Variants in FNBP1L observed in about 807,000 individuals in gnomAD.
FNBP1L encodes formin-binding protein 1-like.
A neutral mutation model predicts 91.2 loss-of-function variants in FNBP1L; 36 were observed. That is an observed-to-expected ratio of 0.39 (90% CI 0.30 to 0.52). The LOEUF (loss-of-function observed/expected upper bound fraction) is 0.52, where lower values mean the gene tolerates loss of function less well. FNBP1L is among the 20% of genes least tolerant of loss of function. The probability of loss-of-function intolerance (pLI) is 0.66; values close to 1 mark genes in which losing one functional copy is unlikely to be tolerated. For synonymous variants in FNBP1L, 242 were observed against 237.0 expected (o/e 1.02, Z -0.19); for missense variants, 571 against 732.1 (o/e 0.78, Z 2.54).
intron 14 of FNBP1L, among the ~76,000 whole-genome samples, 193 bp downstream of exon 14, chr1:93,547,634 A>G (rs1672284715): frequency 6.6e-6 from 1 of 152,080 alleles, no homozygotes; most frequent in African/African-American, 2.4e-5. Context: ...TTGCTATTCA[A>G]TCCTAGTTTG....
At chr1:93,515,014 A>T (rs557275917) in intron 2 of FNBP1L, among the ~76,000 whole-genome samples, 1 of 152,196 alleles carries the variant, frequency 6.6e-6, no homozygotes, top group Non-Finnish European at 1.5e-5. Context: ...TTCGCAACCT[A>T]CTCATCTGAC....
intron 2 of FNBP1L, among the ~76,000 whole-genome samples, chr1:93,509,398 C>G (rs112175034): frequency 6.6e-6 from 1 of 152,288 alleles, no homozygotes; most frequent in Non-Finnish European, 1.5e-5. Context: ...CTCATAGCCC[C>G]ATGCAGAATT....
chr1:93,456,324 G>A (rs1028121362), intron 1 of FNBP1L, among the ~76,000 whole-genome samples: 1 of 152,120 alleles, frequency 6.6e-6, no homozygotes, highest in Non-Finnish European at 1.5e-5. Flanking sequence ...ATGAAAGACG[G>A]GAAATACTAG....
intron 2 of FNBP1L, among the ~76,000 whole-genome samples, chr1:93,515,685 T>C (rs1671073428): frequency 6.9e-6 from 1 of 145,224 alleles, no homozygotes; most frequent in Admixed American, 7.4e-5. Context: ...AAACACCGCA[T>C]ATTCTCCCTC....
chr1:93,549,476 G>A (rs551153838), intron 15 of FNBP1L, 50 bp downstream of exon 15: 1 of 1,387,624 alleles, frequency 7.2e-7, no homozygotes, highest in Non-Finnish European at 9.6e-7. Flanking sequence ...TTCTTTAAAA[G>A]TATTTACATC....
At chr1:93,511,861 G>A (rs1297366925) in intron 2 of FNBP1L, among the ~76,000 whole-genome samples, 1 of 150,518 alleles carries the variant, frequency 6.6e-6, no homozygotes, top group Non-Finnish European at 1.5e-5. Context: ...AGCTACTTGG[G>A]AGGCTGAGGC....
chr1:93,463,171 G>A (rs887908125), intron 1 of FNBP1L, among the ~76,000 whole-genome samples: 3 of 152,002 alleles, frequency 2.0e-5, no homozygotes, highest in Non-Finnish European at 2.9e-5. Flanking sequence ...CTTTTAAAGC[G>A]CTTCCTTACT....
intron 7 of FNBP1L, among the ~76,000 whole-genome samples, chr1:93,532,455 G>A (rs1197929426): frequency 1.5e-5 from 2 of 134,126 alleles, no homozygotes; most frequent in East Asian, 4.7e-4. Flanking sequence ...TGGCGACAGA[G>A]CGAGACTCCG....
chr1:93,494,000 A>G (rs775663986), intron 1 of FNBP1L, among the ~76,000 whole-genome samples: 16 of 152,302 alleles, frequency 1.1e-4, no homozygotes, highest in African/African-American at 3.1e-4. Flanking sequence ...TTTTGTCACT[A>G]TCTGTCTGGA....
chr1:93,512,291 A>G (rs1034623378), intron 2 of FNBP1L, among the ~76,000 whole-genome samples: 4 of 152,012 alleles, frequency 2.6e-5, no homozygotes, highest in Non-Finnish European at 4.4e-5. Context: ...AGTGACCTAC[A>G]AAGAGACTTA....
chr1:93,549,207 T>A, intron 14 of FNBP1L, 71 bp from the exon 15 acceptor site: 1 of 1,283,132 alleles, frequency 7.8e-7, no homozygotes, highest in East Asian at 2.5e-5. Flanking sequence ...CCTGAGGTGA[T>A]CAATTTATAA....
At chr1:93,459,519 G>A (rs370696641) in intron 1 of FNBP1L, among the ~76,000 whole-genome samples, 22 of 152,174 alleles carry the variant, frequency 1.4e-4, no homozygotes, top group Middle Eastern at 3.4e-3. Flanking sequence ...TTAAAGCCCC[G>A]ATGAGATACC....
chr1:93,483,895 ATCATTGATTTAGCTG>A (rs1217750085), intron 1 of FNBP1L, among the ~76,000 whole-genome samples: 1 of 152,232 alleles, frequency 6.6e-6, no homozygotes, highest in African/African-American at 2.4e-5. Context: ...AGACATCTGC[ATCATTGATTTAGCTG>A]TTTCTTAACT....
intron 1 of FNBP1L, among the ~76,000 whole-genome samples, chr1:93,454,508 G>C (rs1284248104): frequency 6.6e-6 from 1 of 152,126 alleles, no homozygotes; most frequent in Non-Finnish European, 1.5e-5. Context: ...GAAGATGAAA[G>C]TGTATTTATT....
At chr1:93,485,451 T>A (rs1669866403) in intron 1 of FNBP1L, among the ~76,000 whole-genome samples, 1 of 152,220 alleles carries the variant, frequency 6.6e-6, no homozygotes, top group Non-Finnish European at 1.5e-5. Flanking sequence ...ATAAAACCTA[T>A]GTATTGTATG....
intron 16 of FNBP1L, 47 bp downstream of exon 16, chr1:93,551,152 G>A (rs754258242): frequency 1.3e-6 from 2 of 1,512,032 alleles, no homozygotes; most frequent in Non-Finnish European, 1.8e-6. Context: ...TGTGCCATGT[G>A]TGACATAGGA....
intron 2 of FNBP1L, among the ~76,000 whole-genome samples, chr1:93,510,935 C>T (rs1279654485): frequency 5.9e-5 from 9 of 152,004 alleles, no homozygotes; most frequent in East Asian, 1.9e-4. Context: ...AACAAAGCCT[C>T]GAAGAAATAT....
At chr1:93,510,232 T>C (rs1187149384) in intron 2 of FNBP1L, among the ~76,000 whole-genome samples, 1 of 152,156 alleles carries the variant, frequency 6.6e-6, no homozygotes, top group Non-Finnish European at 1.5e-5. Flanking sequence ...AAGAGAACAG[T>C]GGTTCTCCCA....
At chr1:93,454,190 C>T (rs1160952241) in intron 1 of FNBP1L, among the ~76,000 whole-genome samples, 1 of 152,088 alleles carries the variant, frequency 6.6e-6, no homozygotes, top group Non-Finnish European at 1.5e-5. Flanking sequence ...TTGGACTGAC[C>T]TGAGTCTAGT....
Sources: gnomAD v4.1 joint callset for allele counts (sites outside exome capture counted in the v4.1 genomes callset) on GRCh38, gnomAD v4.1.1 for gene constraint, MANE v1.5 for transcripts, NCBI Gene and HGNC (gene_info 2026-07-23, HGNC 2026-07-21) for gene names.